Variants in CAPN7 observed in about 807,000 individuals in gnomAD.
The protein encoded by CAPN7 is calpain-7.
Under a neutral mutation model 115.2 loss-of-function variants are expected in CAPN7, and 72 were observed. The ratio of observed to expected loss-of-function variants is 0.63; its 90% CI spans 0.52 to 0.76. CAPN7 has a LOEUF of 0.76. Ranked by LOEUF, CAPN7 falls within the 30% of genes least tolerant of loss-of-function variation. The probability of loss-of-function intolerance (pLI) is 0.00; values close to 1 mark genes in which losing one functional copy is unlikely to be tolerated. For synonymous variants in CAPN7, 344 were observed against 322.3 expected (o/e 1.07, Z -0.72); for missense variants, 905 against 971.5 (o/e 0.93, Z 0.91).
Position 15,228,953 on chromosome 3 carries a change from GTTAATTA to G in CAPN7, c.853-18_853-12del. 6.5e-7 allele frequency: 1 copy of G among 1,547,966 alleles called. No individual in the cohort carries two copies. Among genetic ancestry groups the G allele is most frequent in the Non-Finnish European group, 8.9e-7 (1 of 1,122,276 alleles). On this transcript the variant is annotated splice_polypyrimidine_tract_variant and intron_variant, in intron 7 of 20. Transcript: ENST00000253693. ...AAATTACGTGAATGAATATGAATAT[GTTAATTA>G]TTCTTATTAACAGACAATAGTATCG...
intron 2 of CAPN7, among the ~76,000 whole-genome samples, chr3:15,215,915 G>A (rs1354649319): frequency 6.6e-6 from 1 of 152,108 alleles, no homozygotes; most frequent in Non-Finnish European, 1.5e-5. Flanking sequence ...GTGAAACCCC[G>A]TCTCTACTAA....
At chr3:15,244,023 A>T (rs1187091408) in intron 16 of CAPN7, among the ~76,000 whole-genome samples, 1 of 152,192 alleles carries the variant, frequency 6.6e-6, no homozygotes, top group Non-Finnish European at 1.5e-5. Flanking sequence ...GGCATAGTGG[A>T]GAGGTGGGGC....
At chr3:15,232,403 C>A in intron 9 of CAPN7, 116 bp from the exon 10 acceptor site, 1 of 719,212 alleles carries the variant, frequency 1.4e-6, no homozygotes, top group Non-Finnish European at 2.2e-6. Flanking sequence ...CCTTAATAGC[C>A]GTCAGCATAT....
rs1162986656 is a variant in CAPN7 at position 15,217,598 on chromosome 3, A to G, written c.369+16A>G. The stretch of plus-strand genomic sequence containing the variant: ...TCTGAAAACAGTGTGTATAGCTACA[A>G]ATTACGTTTGATGAGTTATGCCAAA... On this transcript the variant is annotated intron_variant, in intron 3 of 20. Transcript: ENST00000253693. 6 of 1,594,492 alleles carry G rather than the reference A, an allele frequency of 3.8e-6. No individual in the cohort carries two copies. Among genetic ancestry groups the G allele is most frequent in the South Asian group, 2.3e-5 (2 of 87,240 alleles).
intron 12 of CAPN7, among the ~76,000 whole-genome samples, chr3:15,238,849 ATTTTTTTTTT>A (rs59838740): frequency 6.1e-5 from 7 of 114,012 alleles, no homozygotes; most frequent in Non-Finnish European, 8.6e-5. Flanking sequence ...GCAAAATCAA[ATTTTTTTTTT>A]TTTTTTTTTT....
intron 5 of CAPN7, among the ~76,000 whole-genome samples, chr3:15,222,168 C>T (rs1214617823): frequency 6.6e-6 from 1 of 151,788 alleles, no homozygotes; most frequent in Non-Finnish European, 1.5e-5. Context: ...GACCCCCTGT[C>T]TAGCGGGGGT....
At chr3:15,219,739 C>G (rs531889287) in intron 4 of CAPN7, among the ~76,000 whole-genome samples, 23 of 152,298 alleles carry the variant, frequency 1.5e-4, no homozygotes, top group Admixed American at 1.4e-3. Context: ...ATATGCACCT[C>G]AGGTTAAGAA....
intron 1 of CAPN7, among the ~76,000 whole-genome samples, chr3:15,210,592 C>T (rs187954720): frequency 4.9e-5 from 5 of 101,944 alleles, no homozygotes; most frequent in East Asian, 4.4e-4. Flanking sequence ...TCCTTGCTTC[C>T]TTCCTTTTTT....
At chr3:15,245,443 C>G in intron 16 of CAPN7, 83 bp from the exon 17 acceptor site, 1 of 1,256,092 alleles carries the variant, frequency 8.0e-7, no homozygotes, top group Non-Finnish European at 1.1e-6. Flanking sequence ...GATGTCCATC[C>G]AAGTAATTAT....
At chr3:15,221,298 G>A (rs1339381894) in intron 5 of CAPN7, among the ~76,000 whole-genome samples, 1 of 150,312 alleles carries the variant, frequency 6.7e-6, no homozygotes, top group African/African-American at 2.5e-5. Flanking sequence ...TCCTGCCTCA[G>A]CCTCCCAAGT....
At chr3:15,246,877 T>G in intron 18 of CAPN7, 83 bp downstream of exon 18, 1 of 1,105,876 alleles carries the variant, frequency 9.0e-7, no homozygotes, top group Non-Finnish European at 1.3e-6. Flanking sequence ...TTTTATTGTT[T>G]ATATTTAGCA....
In CAPN7 at chr3:15,232,692, C is replaced by T. The variant is rs377716626; in HGVS notation, c.1179+27C>T. On this transcript the variant is annotated intron_variant, in intron 10 of 20. Transcript: ENST00000253693. ...TAAGTAATAGATAAGACGATCCAGA[C>T]ACAGATTTAAGCTATCTAATATAAC... 8 of 1,568,602 alleles carry T rather than the reference C, an allele frequency of 5.1e-6. No individual in the cohort carries two copies. In the Admixed American group the frequency reaches 8.0e-5, roughly 16 times the overall value.
Position 15,220,854 on chromosome 3 carries a change from C to T in CAPN7, c.511C>T (p.Pro171Ser), listed in dbSNP as rs371173749. 1.5e-5 allele frequency: 24 copies of T among 1,614,204 alleles called. No individual in the cohort carries two copies. The highest frequency in any genetic ancestry group is 2.7e-5 in the African/African-American group (2 of 75,064). ...TTCAACAAGTGTTAAGCCAAAGCCA[C>T]CTCCAGTGAGAGCACATTTTCCACT... is the stretch of plus-strand genomic sequence containing the variant. The part of the protein sequence containing the change: ...ISSTSVKPKP[P>S]PVRAHFPLGA... Residue 171 changes from proline (P) to serine (S), a missense_variant, in exon 5 of 21, where the codon CCT becomes TCT. Transcript: ENST00000253693.
intron 1 of CAPN7, among the ~76,000 whole-genome samples, chr3:15,211,876 C>G (rs1328006502): frequency 6.6e-6 from 1 of 151,814 alleles, no homozygotes; most frequent in African/African-American, 2.4e-5. Flanking sequence ...GGTGACAGAG[C>G]AAAACTCTGT....
intron 5 of CAPN7, among the ~76,000 whole-genome samples, chr3:15,223,238 G>A (rs1559393628): frequency 6.6e-6 from 1 of 152,004 alleles, no homozygotes; most frequent in African/African-American, 2.4e-5. Context: ...GAATAGTCTT[G>A]TCTTCTTGTG....
intron 3 of CAPN7, 141 bp downstream of exon 3, chr3:15,217,723 T>C: frequency 1.8e-6 from 1 of 569,382 alleles, no homozygotes; most frequent in Non-Finnish European, 2.8e-6. Context: ...TACTCCTCAA[T>C]ATAAGATGAT....
At chr3:15,214,700 G>GAAA (rs2045143913) in intron 2 of CAPN7, among the ~76,000 whole-genome samples, 1 of 152,154 alleles carries the variant, frequency 6.6e-6, no homozygotes, top group South Asian at 2.1e-4. Context: ...CTGGATGACA[G>GAAA]AGTAAGACCC....
intron 2 of CAPN7, among the ~76,000 whole-genome samples, chr3:15,215,664 A>G (rs1404830256): frequency 1.3e-5 from 2 of 152,242 alleles, no homozygotes; most frequent in African/African-American, 4.8e-5. Flanking sequence ...GATTGTATCA[A>G]TACTTCATTG....
At chr3:15,224,804 G>T (rs1391941468) in intron 6 of CAPN7, among the ~76,000 whole-genome samples, 1 of 152,064 alleles carries the variant, frequency 6.6e-6, no homozygotes, top group East Asian at 1.9e-4. Flanking sequence ...AAGAACAAAA[G>T]GGCTGCTTTT....
Sources: allele counts gnomAD v4.1 joint callset (sites outside exome capture counted in the v4.1 genomes callset), GRCh38; gene constraint gnomAD v4.1.1; transcripts MANE v1.5; gene names NCBI Gene and HGNC (gene_info 2026-07-23, HGNC 2026-07-21).